Variants in PTPN14 observed in about 807,000 individuals in gnomAD.
The protein encoded by PTPN14 is tyrosine-protein phosphatase non-receptor type 14.
PTPN14 carries 53 observed loss-of-function variants against 126.8 expected under a neutral mutation model. The observed-to-expected ratio is 0.42, with a 90% CI of 0.34 to 0.53. The LOEUF is 0.53. Among genes scored for constraint, PTPN14 ranks in the 20% least tolerant of loss-of-function variants. PTPN14 has a pLI of 0.08. For synonymous variants in PTPN14, 630 were observed against 599.3 expected, an observed-to-expected ratio of 1.05 and a Z score of -0.75; for missense variants, 1,257 against 1,552.9, an observed-to-expected ratio of 0.81 and a Z score of 3.20.
intron 1 of PTPN14, among the ~76,000 whole-genome samples, chr1:214,499,358 G>C (rs1029929745): frequency 6.8e-6 from 1 of 147,460 alleles, no homozygotes; most frequent in African/African-American, 2.6e-5. Context: ...AGTAGAATGA[G>C]TGTGTGGAAA....
chr1:214,490,156 G>C (rs1244696990), intron 1 of PTPN14, among the ~76,000 whole-genome samples: 1 of 152,170 alleles, frequency 6.6e-6, no homozygotes, highest in Non-Finnish European at 1.5e-5. Context: ...TGGGGTGGTG[G>C]AATCACTTCG....
Position 214,357,808 on chromosome 1 carries a change from C to G in PTPN14, c.*114G>C. 1.3e-6 allele frequency: 1 copy of G among 780,208 alleles called. No homozygotes were observed. The highest frequency in any genetic ancestry group is 2.0e-5 in the South Asian group (1 of 49,224). 48.3% of individuals were successfully genotyped at this position (780,208 alleles called of 1,614,324 possible). A position where few individuals can be genotyped will look rare whatever the true frequency, so the allele number is the denominator to read the frequency against. Reference sequence around the variant, plus strand: ...AATCTTGGCTACTGTCTTCAGAGAGCCTGTTTGCTGCCAGCCACCTGCACC... The same window carrying G: ...AATCTTGGCTACTGTCTTCAGAGAGGCTGTTTGCTGCCAGCCACCTGCACC... On this transcript the variant is annotated 3_prime_UTR_variant, in exon 19 of 19. Coordinates refer to ENST00000366956, the MANE Select transcript of PTPN14 (RefSeq NM_005401.5).
chr1:214,417,910 G>C (rs966723989), intron 3 of PTPN14, among the ~76,000 whole-genome samples: 12 of 152,026 alleles, frequency 7.9e-5, no homozygotes, highest in African/African-American at 2.9e-4. Context: ...TTAAAGCCTT[G>C]GCATCTGATT....
chr1:214,418,677 G>C (rs1057131243), intron 3 of PTPN14, among the ~76,000 whole-genome samples: 33 of 152,392 alleles, frequency 2.2e-4, no homozygotes, highest in African/African-American at 7.7e-4. Flanking sequence ...TACTTAGACA[G>C]TCTGAGCTAC....
intron 17 of PTPN14, among the ~76,000 whole-genome samples, chr1:214,367,319 A>C (rs1658104896): frequency 6.6e-6 from 1 of 152,142 alleles, no homozygotes; most frequent in Non-Finnish European, 1.5e-5. Flanking sequence ...TCTGGATCTT[A>C]CTCTAGATTC....
rs746016068 is a variant in PTPN14, at chr1:214,384,094, G to C, written c.1761C>G (p.His587Gln). Residue 587 changes from histidine to glutamine, a missense_variant, in exon 13 of 19, where the codon CAC becomes CAG. Transcript: ENST00000366956. This position sits in a 1 kb window ranked among gnomAD's most constrained non-coding sequence, Gnocchi z 5.3. ...CCGGGCTGCTGCCGCTGACGTACTTGTGGCGGTGGCTGGCCAGGTCTGGGG... is the reference window on the plus strand; with the variant it reads ...CCGGGCTGCTGCCGCTGACGTACTTCTGGCGGTGGCTGGCCAGGTCTGGGG... ...TSTPDLASHRHKYVSGSSPDL... is the reference protein window; with the variant it reads ...TSTPDLASHRQKYVSGSSPDL... 6.4e-7 allele frequency: 1 copy of C among 1,573,532 alleles called. No homozygotes were observed. The highest frequency in any genetic ancestry group is 8.6e-7 in the Non-Finnish European group (1 of 1,162,512).
intron 7 of PTPN14, among the ~76,000 whole-genome samples, chr1:214,400,332 T>A (rs1174547100): frequency 1.3e-5 from 2 of 152,180 alleles, no homozygotes; most frequent in African/African-American, 4.8e-5. Context: ...ACCTTAGATA[T>A]GCACACATAT....
rs561158885 is a variant in PTPN14, at chr1:214,393,358, G to A, written c.929+337C>T. On this transcript the variant is annotated intron_variant, in intron 10 of 18. Coordinates refer to ENST00000366956, the MANE Select transcript of PTPN14 (RefSeq NM_005401.5). ...TTACCCACTTCTGAACACACTCCAC[G>A]TCTGACACGAAGGGGCACCCTGGCA... 9.2e-5 allele frequency among the ~76,000 whole-genome samples: 14 copies of A among 152,260 alleles called. No homozygotes were observed. The East Asian group carries it at 9.6e-4, about 10-fold the overall frequency.
chr1:214,443,787 TCA>T (rs550162953), intron 3 of PTPN14, among the ~76,000 whole-genome samples: 1 of 152,198 alleles, frequency 6.6e-6, no homozygotes, highest in Non-Finnish European at 1.5e-5. Context: ...ACTGCACAGG[TCA>T]CAGACCCATG....
intron 3 of PTPN14, among the ~76,000 whole-genome samples, chr1:214,447,702 CACAT>C (rs1660178016): frequency 6.6e-6 from 1 of 152,194 alleles, no homozygotes; most frequent in Non-Finnish European, 1.5e-5. Flanking sequence ...CAAACATACA[CACAT>C]ACTCACGCAC....
At chr1:214,421,682 A>G (rs1659547529) in intron 3 of PTPN14, among the ~76,000 whole-genome samples, 2 of 152,202 alleles carry the variant, frequency 1.3e-5, no homozygotes, top group African/African-American at 4.8e-5. Flanking sequence ...CGATCCAGTC[A>G]AAACTATTTT....
intron 4 of PTPN14, among the ~76,000 whole-genome samples, chr1:214,412,087 CT>C (rs1230207442): frequency 6.6e-6 from 1 of 152,120 alleles, no homozygotes; most frequent in Non-Finnish European, 1.5e-5. Flanking sequence ...GCCAAGAGGA[CT>C]TTTTAACTCA....
At chr1:214,451,702 C>T in intron 3 of PTPN14, 103 bp downstream of exon 3, 1 of 1,356,650 alleles carries the variant, frequency 7.4e-7, no homozygotes, top group Non-Finnish European at 1.0e-6. Flanking sequence ...CACACCCGCA[C>T]CCACACCCAC....
rs535295573 is a variant in PTPN14, at chr1:214,364,606, T to G, written c.3341A>C (p.His1114Pro). The G allele has an allele frequency of 6.2e-7, 1 of 1,613,886 alleles. No individual in the cohort carries two copies. Among genetic ancestry groups the G allele is most frequent in the South Asian group, 1.1e-5 (1 of 91,056 alleles). ...NSMLEGTKNR[H>P]PPIVVHCSAG... Reference sequence around the variant, plus strand: ...ACTACAGTGGACCACGATGGGCGGGTGCCGGTTCTTGGTGCCTTCCAGCAT... The same window carrying G: ...ACTACAGTGGACCACGATGGGCGGGGGCCGGTTCTTGGTGCCTTCCAGCAT... Residue 1114 changes from histidine (H) to proline (P), a missense_variant, in exon 18 of 19, where the codon CAC (histidine) becomes CCC (proline). His to Pro is a moderately conservative substitution (Grantham distance 77, BLOSUM62 -2). Transcript: ENST00000366956. This position sits in a 1 kb window ranked among gnomAD's most constrained non-coding sequence, Gnocchi z 4.1.
intron 10 of PTPN14, among the ~76,000 whole-genome samples, chr1:214,391,249 T>C (rs750913384): frequency 1.4e-4 from 21 of 152,274 alleles, no homozygotes; most frequent in Admixed American, 2.0e-4. Context: ...CGGATAAGGA[T>C]ACTTTTAGAA....
intron 1 of PTPN14, among the ~76,000 whole-genome samples, chr1:214,499,262 A>C (rs1013937730): frequency 6.6e-6 from 1 of 152,182 alleles, no homozygotes; most frequent in East Asian, 1.9e-4. Flanking sequence ...ACAGAAAAAA[A>C]TGAATGAGGA....
At chr1:214,521,809 A>G (rs1037399758) in intron 1 of PTPN14, among the ~76,000 whole-genome samples, 1 of 152,168 alleles carries the variant, frequency 6.6e-6, no homozygotes, top group Admixed American at 6.5e-5. Context: ...CGCAGTTAGG[A>G]AAAGTATGGG....
intron 1 of PTPN14, among the ~76,000 whole-genome samples, chr1:214,494,509 A>G (rs879458321): frequency 3.3e-5 from 5 of 152,234 alleles, no homozygotes; most frequent in Admixed American, 6.5e-5. Flanking sequence ...AAATAGGAAC[A>G]AGCCCTGGAT....
intron 1 of PTPN14, among the ~76,000 whole-genome samples, chr1:214,471,787 A>T (rs10159086): frequency 6.6e-6 from 1 of 152,146 alleles, no homozygotes; most frequent in Non-Finnish European, 1.5e-5. Context: ...CATAAAGGAG[A>T]GAATCTTAGA....
Sources: gnomAD v4.1 joint callset for allele counts (sites outside exome capture counted in the v4.1 genomes callset) on GRCh38, gnomAD v4.1.1 for gene constraint, Gnocchi (gnomAD v3.1) non-coding constraint, MANE v1.5 for transcripts, NCBI Gene and HGNC (gene_info 2026-07-23, HGNC 2026-07-21) for gene names.